KCNH1: variants seen among roughly 807,000 people sequenced by gnomAD.
KCNH1 encodes the protein voltage-gated delayed rectifier potassium channel KCNH1.
A neutral mutation model predicts 69.2 loss-of-function variants in KCNH1; 27 were observed. The observed-to-expected ratio is 0.39, with a 90% confidence interval of 0.29 to 0.54. KCNH1 has a LOEUF of 0.54. KCNH1 is among the 20% of genes least tolerant of loss of function. The pLI, the probability that KCNH1 is intolerant of heterozygous loss-of-function variation, is 0.68. For missense variants in KCNH1, 798 were observed against 1,261.6 expected, an observed-to-expected ratio of 0.63 and a Z score of 5.57; for synonymous variants, 456 against 487.7, an observed-to-expected ratio of 0.93 and a Z score of 0.86.
At position 210,679,550 on chromosome 1, in the gene KCNH1, C is replaced by T. The variant is rs1214224116; in HGVS notation, c.*3731G>A. The T allele has an allele frequency of 3.9e-5, 6 of 152,182 alleles. No individual in the cohort carries two copies. The highest frequency in any genetic ancestry group is 1.3e-4 in the Admixed American group (2 of 15,282). 9.4% of individuals were successfully genotyped at this position (152,182 alleles called of 1,614,324 possible). A position where few individuals can be genotyped will look rare whatever the true frequency, so the allele number is the denominator to read the frequency against. ...CCTAGTCTTCCTATACCTAGTATTCCTAAAGAGTTCATTTAGTCCCCACAA... is the reference window on the plus strand; with the variant it reads ...CCTAGTCTTCCTATACCTAGTATTCTTAAAGAGTTCATTTAGTCCCCACAA... On this transcript the variant is annotated 3_prime_UTR_variant, in exon 11 of 11. Coordinates refer to ENST00000271751, the MANE Select transcript of KCNH1 (RefSeq NM_172362.3).
chr1:210,927,424 A>T (rs1364741094), intron 6 of KCNH1, among the ~76,000 whole-genome samples: 2 of 152,206 alleles, frequency 1.3e-5, no homozygotes, highest in Non-Finnish European at 2.9e-5. Flanking sequence ...CTTAAACAAA[A>T]CAATTAGCAG....
intron 7 of KCNH1, among the ~76,000 whole-genome samples, chr1:210,849,937 AAAAT>A (rs144457011): frequency 0.23 from 35,291 of 151,470 alleles, 4,251 homozygotes; most frequent in African/African-American, 0.31. Context: ...AAAATTTTAA[AAAAT>A]AAATAAATAA....
At chr1:211,017,941 G>A (rs917822619) in intron 6 of KCNH1, among the ~76,000 whole-genome samples, 3 of 152,120 alleles carry the variant, frequency 2.0e-5, no homozygotes, top group Non-Finnish European at 2.9e-5. Context: ...TCCCTCTTAA[G>A]TATATTAATG....
chr1:210,716,993 G>T (rs757634556), intron 10 of KCNH1, among the ~76,000 whole-genome samples: 3 of 152,162 alleles, frequency 2.0e-5, no homozygotes, highest in Admixed American at 2.0e-4. Flanking sequence ...TTTATATCAT[G>T]AATGATATGA....
At chr1:210,855,841 C>T (rs1183187330) in intron 7 of KCNH1, among the ~76,000 whole-genome samples, 1 of 152,182 alleles carries the variant, frequency 6.6e-6, no homozygotes, top group Admixed American at 6.5e-5. Flanking sequence ...ATTCATTCCA[C>T]CTGCAAGTAC....
intron 5 of KCNH1, among the ~76,000 whole-genome samples, chr1:211,075,446 G>T (rs762905787): frequency 6.6e-6 from 1 of 152,168 alleles, no homozygotes; most frequent in Non-Finnish European, 1.5e-5. Context: ...GGTTAGAAAG[G>T]GTCCCACCAT....
At position 211,122,233 on chromosome 1, in the gene KCNH1, CATCACCG is replaced by C. The variant is rs1691700988; in HGVS notation, c.79+11627_79+11633del. On this transcript the variant is annotated intron_variant, in intron 1 of 10. Transcript: ENST00000271751. ...CAACAAACATATGAAAAAAACTCAACATCACCGATCATCAGAGAAATGCAAATCAAAA... is the reference window on the plus strand; with the variant it reads ...CAACAAACATATGAAAAAAACTCAACATCATCAGAGAAATGCAAATCAAAA... Among the ~76,000 whole-genome samples, 10 of 152,154 alleles carry C rather than the reference CATCACCG, an allele frequency of 6.6e-5. No individual in the cohort carries two copies. In the South Asian group the frequency reaches 2.1e-3, roughly 32 times the overall value.
intron 9 of KCNH1, among the ~76,000 whole-genome samples, chr1:210,787,759 C>T (rs868698700): frequency 1.3e-5 from 2 of 152,250 alleles, no homozygotes; most frequent in Non-Finnish European, 2.9e-5. Context: ...TAATGATAAG[C>T]TGAAAATTTA....
At position 210,910,450 on chromosome 1, in the gene KCNH1, A is replaced by T. The variant is rs115070238; in HGVS notation, c.1462+9190T>A. 8.1e-3 allele frequency among the ~76,000 whole-genome samples: 1,227 copies of T among 152,368 alleles called. 22 individuals carry two copies. Among genetic ancestry groups the T allele is most frequent in the African/African-American group, 0.028 (1,175 of 41,584 alleles). ...CAGAACAGGTGCTCAGCCCCTTTCT[A>T]ATCAGCACATCTTTCTTTCTGCCCA... On this transcript the variant is annotated intron_variant, in intron 7 of 10. Transcript: ENST00000271751.
chr1:210,932,119 G>A (rs1687690650), intron 6 of KCNH1, among the ~76,000 whole-genome samples: 1 of 152,050 alleles, frequency 6.6e-6, no homozygotes, highest in Non-Finnish European at 1.5e-5. Flanking sequence ...CCAGATCCAG[G>A]AAGTTTGAAG....
At chr1:210,781,584 C>A (rs1478781418) in intron 9 of KCNH1, among the ~76,000 whole-genome samples, 2 of 152,180 alleles carry the variant, frequency 1.3e-5, no homozygotes, top group Non-Finnish European at 2.9e-5. Context: ...CTGGATTAAT[C>A]TTTCCAGGCA....
chr1:210,764,716 A>C (rs952734724), intron 10 of KCNH1, among the ~76,000 whole-genome samples: 1 of 152,136 alleles, frequency 6.6e-6, no homozygotes, highest in Non-Finnish European at 1.5e-5. Context: ...AAAATAACAG[A>C]TGGTAAGGTT....
In KCNH1 at chr1:210,922,635, T is replaced by C. The variant is rs77859136; in HGVS notation, c.1033-2566A>G. ...TGAGTCTCTTTTTCCCTACCTGTGT[T>C]TTTCTCAAAAACCCACTATGTAAAA... On this transcript the variant is annotated intron_variant, in intron 6 of 10. Coordinates refer to ENST00000271751, the MANE Select transcript of KCNH1 (RefSeq NM_172362.3). 1.7e-3 allele frequency among the ~76,000 whole-genome samples: 254 copies of C among 152,208 alleles called. 1 individual carries two copies. Among genetic ancestry groups the C allele is most frequent in the African/African-American group, 5.9e-3 (244 of 41,530 alleles).
intron 7 of KCNH1, among the ~76,000 whole-genome samples, chr1:210,845,577 C>T (rs1327632735): frequency 6.6e-6 from 1 of 152,148 alleles, no homozygotes; most frequent in Non-Finnish European, 1.5e-5. Context: ...TGGGACGTAT[C>T]TCAAAATAAT....
chr1:211,087,747 G>A (rs1290295993), intron 4 of KCNH1, among the ~76,000 whole-genome samples: 2 of 152,090 alleles, frequency 1.3e-5, no homozygotes, highest in Admixed American at 1.3e-4. Flanking sequence ...TTGTCAGAGA[G>A]TAAGAGAATT....
intron 7 of KCNH1, among the ~76,000 whole-genome samples, chr1:210,889,208 G>A (rs552406074): frequency 7.9e-5 from 12 of 152,218 alleles, no homozygotes; most frequent in African/African-American, 2.6e-4. Flanking sequence ...TCTCCACCAC[G>A]ATCAAGTCAG....
At chr1:210,990,063 G>A (rs774149203) in intron 6 of KCNH1, among the ~76,000 whole-genome samples, 8 of 152,128 alleles carry the variant, frequency 5.3e-5, no homozygotes, top group Non-Finnish European at 8.8e-5. Flanking sequence ...ACCCTTCAGG[G>A]TACATATCTC....
chr1:210,712,050 C>G (rs1351393931), intron 10 of KCNH1, among the ~76,000 whole-genome samples: 1 of 152,156 alleles, frequency 6.6e-6, no homozygotes, highest in Non-Finnish European at 1.5e-5. Context: ...CCATTCCTGA[C>G]AGCGAGCCAG....
At chr1:211,059,604 G>A (rs909319668) in intron 5 of KCNH1, among the ~76,000 whole-genome samples, 3 of 151,728 alleles carry the variant, frequency 2.0e-5, no homozygotes, top group Non-Finnish European at 4.4e-5. Flanking sequence ...TTAGCCGGAC[G>A]TGGTGGTGGG....
Sources: gnomAD v4.1 joint callset for allele counts (sites outside exome capture counted in the v4.1 genomes callset) on GRCh38, gnomAD v4.1.1 for gene constraint, MANE v1.5 for transcripts, NCBI Gene and HGNC (gene_info 2026-07-23, HGNC 2026-07-21) for gene names.